CCSER1: variants seen among roughly 807,000 people sequenced by gnomAD.
CCSER1 encodes the protein coiled-coil serine rich protein 1.
CCSER1 carries 41 observed loss-of-function variants against 82.0 expected under a neutral mutation model. That is an observed-to-expected ratio of 0.50 (90% CI 0.39 to 0.65). The LOEUF (loss-of-function observed/expected upper bound fraction) is 0.65. Ranked by LOEUF, CCSER1 falls within the 30% of genes least tolerant of loss-of-function variation. The probability of loss-of-function intolerance (pLI) is 0.00; values close to 1 mark genes in which losing one functional copy is unlikely to be tolerated. For missense variants in CCSER1, 1,119 were observed against 1,064.2 expected (o/e 1.05, Z -0.72); for synonymous variants, 414 against 383.9 (o/e 1.08, Z -0.92).
intron 10 of CCSER1, among the ~76,000 whole-genome samples, chr4:91,213,940 A>G (rs1235677868): frequency 6.6e-6 from 1 of 152,120 alleles, no homozygotes; most frequent in Non-Finnish European, 1.5e-5. Context: ...ACATTCCTAT[A>G]TTTATGGAAA....
intron 5 of CCSER1, among the ~76,000 whole-genome samples, chr4:90,542,182 G>A (rs1170723608): frequency 1.3e-5 from 2 of 152,048 alleles, no homozygotes; most frequent in East Asian, 3.9e-4. Context: ...AAAGCCTTTT[G>A]ATGGGGAGTA....
At chr4:90,729,602 G>A (rs1187831010) in intron 7 of CCSER1, among the ~76,000 whole-genome samples, 1 of 152,112 alleles carries the variant, frequency 6.6e-6, no homozygotes, top group Non-Finnish European at 1.5e-5. Context: ...TTGGCCGGGC[G>A]CAGTGGCTCA....
intron 9 of CCSER1, among the ~76,000 whole-genome samples, chr4:90,967,136 C>T (rs1734642500): frequency 6.6e-6 from 1 of 151,960 alleles, no homozygotes; most frequent in South Asian, 2.1e-4. Context: ...TGTGCCAATA[C>T]ATCTCAATGG....
At chr4:90,609,910 A>G (rs1362230330) in intron 5 of CCSER1, among the ~76,000 whole-genome samples, 2 of 152,150 alleles carry the variant, frequency 1.3e-5, no homozygotes, top group Non-Finnish European at 2.9e-5. Flanking sequence ...GATTACTGTA[A>G]TTTGGATTAC....
intron 3 of CCSER1, among the ~76,000 whole-genome samples, chr4:90,316,113 A>G (rs142473150): frequency 1.7e-4 from 26 of 152,356 alleles, no homozygotes; most frequent in African/African-American, 6.3e-4. Flanking sequence ...TTAATGCCTG[A>G]CATGTATTAT....
At chr4:90,422,765 A>C (rs909161775) in intron 4 of CCSER1, among the ~76,000 whole-genome samples, 1 of 152,318 alleles carries the variant, frequency 6.6e-6, no homozygotes, top group East Asian at 1.9e-4. Context: ...ACATTACAGA[A>C]GCATCTTCAG....
chr4:91,332,775 C>T (rs1406316), intron 10 of CCSER1, among the ~76,000 whole-genome samples: 118,716 of 151,852 alleles, frequency 0.78, 47,118 homozygotes, highest in African/African-American at 0.92. Context: ...CATCACCTTT[C>T]TTTCTGCTGC....
chr4:90,331,369 G>GTA (rs1739246292), intron 3 of CCSER1, among the ~76,000 whole-genome samples: 1 of 152,116 alleles, frequency 6.6e-6, no homozygotes, highest in Non-Finnish European at 1.5e-5. Flanking sequence ...TGCTAACTAT[G>GTA]TGCCCGTTAT....
At chr4:91,502,364 A>G (rs1373785731) in intron 10 of CCSER1, among the ~76,000 whole-genome samples, 1 of 152,204 alleles carries the variant, frequency 6.6e-6, no homozygotes, top group Non-Finnish European at 1.5e-5. Context: ...CATAGTGTAG[A>G]GCATGCTCAT....
At chr4:90,832,494 T>G (rs1242933684) in intron 8 of CCSER1, among the ~76,000 whole-genome samples, 1 of 152,156 alleles carries the variant, frequency 6.6e-6, no homozygotes, top group Non-Finnish European at 1.5e-5. Flanking sequence ...TTTTTAATGT[T>G]TGATGATCCC....
At chr4:90,295,854 ACTTT>A (rs1231844806) in intron 1 of CCSER1, among the ~76,000 whole-genome samples, 2 of 152,036 alleles carry the variant, frequency 1.3e-5, no homozygotes, top group East Asian at 1.9e-4. Flanking sequence ...ATCTTATTAG[ACTTT>A]CTTTCTTTAA....
intron 10 of CCSER1, among the ~76,000 whole-genome samples, chr4:91,215,326 G>C (rs568979343): frequency 6.6e-6 from 1 of 152,058 alleles, no homozygotes; most frequent in Non-Finnish European, 1.5e-5. Flanking sequence ...CTTTAAAAAA[G>C]ATACTATACA....
chr4:90,539,880 G>A (rs1258648523), intron 5 of CCSER1, among the ~76,000 whole-genome samples: 3 of 151,888 alleles, frequency 2.0e-5, no homozygotes, highest in African/African-American at 7.3e-5. Context: ...TCAGTGTGTG[G>A]TTTATATAAG....
chr4:91,552,274 C>G (rs1328623832), intron 10 of CCSER1, among the ~76,000 whole-genome samples: 1 of 151,528 alleles, frequency 6.6e-6, no homozygotes, highest in Non-Finnish European at 1.5e-5. Context: ...ATTAGAGACC[C>G]TCAAATATTC....
At chr4:91,400,603 A>G (rs1327231036) in intron 10 of CCSER1, among the ~76,000 whole-genome samples, 1 of 150,200 alleles carries the variant, frequency 6.7e-6, no homozygotes, top group African/African-American at 2.4e-5. Flanking sequence ...TAAAATATTT[A>G]TAATTGTACT....
intron 10 of CCSER1, among the ~76,000 whole-genome samples, chr4:91,172,461 G>C (rs772914320): frequency 7.2e-5 from 11 of 152,196 alleles, no homozygotes; most frequent in Non-Finnish European, 1.0e-4. Flanking sequence ...TCCATGTCTA[G>C]AGGCTAGGTA....
chr4:90,611,761 TTAATA>T (rs1387046566), intron 5 of CCSER1, among the ~76,000 whole-genome samples: 14 of 147,928 alleles, frequency 9.5e-5, no homozygotes, highest in Non-Finnish European at 1.9e-4. Context: ...AAATAATACT[TTAATA>T]TATGTAGAAA....
chr4:90,394,700 T>C (rs947467259), intron 3 of CCSER1, among the ~76,000 whole-genome samples: 4 of 152,164 alleles, frequency 2.6e-5, no homozygotes, highest in African/African-American at 9.6e-5. Flanking sequence ...CAGTGTAATA[T>C]ATCAATTTAT....
At chr4:90,682,103 G>A (rs1235170765) in intron 6 of CCSER1, among the ~76,000 whole-genome samples, 14 of 151,556 alleles carry the variant, frequency 9.2e-5, no homozygotes, top group Non-Finnish European at 1.5e-4. Flanking sequence ...CACTTTTGAT[G>A]TCCTAAATTA....
Sources: allele counts gnomAD v4.1 joint callset (sites outside exome capture counted in the v4.1 genomes callset), GRCh38; gene constraint gnomAD v4.1.1; transcripts MANE v1.5; gene names NCBI Gene and HGNC (gene_info 2026-07-23, HGNC 2026-07-21).